Variants in GRIP1 observed in about 807,000 individuals in gnomAD.
GRIP1 encodes glutamate receptor interacting protein 1.
A neutral mutation model predicts 129.9 loss-of-function variants in GRIP1; 45 were observed. That is an observed-to-expected ratio of 0.35 (90% CI 0.27 to 0.44). The LOEUF (loss-of-function observed/expected upper bound fraction) is 0.44, where lower values mean the gene tolerates loss of function less well. GRIP1 is among the 20% of genes least tolerant of loss of function. The probability of loss-of-function intolerance (pLI) is 1.00; values close to 1 mark genes in which losing one functional copy is unlikely to be tolerated. For missense variants in GRIP1, 1,196 were observed against 1,396.8 expected (o/e 0.86, Z 2.29); for synonymous variants, 530 against 520.8 (o/e 1.02, Z -0.24).
chr12:66,566,056 G>A (rs566845729), intron 2 of GRIP1, among the ~76,000 whole-genome samples: 1 of 152,288 alleles, frequency 6.6e-6, no homozygotes, highest in African/African-American at 2.4e-5. Flanking sequence ...ATACAATCAT[G>A]TCATCTGCAA....
At chr12:66,788,239 C>CT (rs74709492) in intron 1 of GRIP1, among the ~76,000 whole-genome samples, 188 of 144,046 alleles carry the variant, frequency 1.3e-3, no homozygotes, top group Middle Eastern at 3.6e-3. Flanking sequence ...AAATAAAATA[C>CT]TTTTTTTTTT....
intron 2 of GRIP1, among the ~76,000 whole-genome samples, chr12:66,542,478 T>C (rs1251340166): frequency 6.6e-6 from 1 of 152,232 alleles, no homozygotes; most frequent in Non-Finnish European, 1.5e-5. Context: ...AAACAAAGTA[T>C]GATGGCTTAT....
At chr12:66,690,385 C>T (rs1307123980) in intron 1 of GRIP1, among the ~76,000 whole-genome samples, 1 of 151,592 alleles carries the variant, frequency 6.6e-6, no homozygotes, top group Non-Finnish European at 1.5e-5. Flanking sequence ...CACACACACA[C>T]ACACACACAC....
In GRIP1 at chr12:66,655,606, C is replaced by CTT. The variant is rs1173143521; in HGVS notation, c.55+23242_55+23243dup. Among the ~76,000 whole-genome samples, 240 of 118,016 alleles carry CTT rather than the reference C, an allele frequency of 2.0e-3. 1 individual carries two copies. Among genetic ancestry groups the CTT allele is most frequent in the African/African-American group, 3.5e-3 (110 of 31,170 alleles). 77.4% of individuals were successfully genotyped at this position (118,016 alleles called of 152,430 possible). ...AATATTTTTTTGCAGTTTTTTTGTACTTTTTTTTTTTTTTTTTTTTTGAGA... is the reference window on the plus strand; with the variant it reads ...AATATTTTTTTGCAGTTTTTTTGTACTTTTTTTTTTTTTTTTTTTTTTTGAGA... On this transcript the variant is annotated intron_variant, in intron 1 of 24. Coordinates refer to ENST00000359742, the MANE Select transcript of GRIP1 (RefSeq NM_001366722.1).
chr12:66,938,535 T>C (rs928974295), intron 1 of GRIP1, among the ~76,000 whole-genome samples: 2 of 152,128 alleles, frequency 1.3e-5, no homozygotes, highest in African/African-American at 4.8e-5. Context: ...GCAGCACTAA[T>C]CTAGAAGGGT....
rs145946214 is a variant in GRIP1, at chr12:66,500,610, C to A, written c.724+15009G>T. Among the ~76,000 whole-genome samples the A allele has an allele frequency of 6.5e-3, 982 of 152,248 alleles. 4 individuals carry two copies. Among genetic ancestry groups the A allele is most frequent in the Non-Finnish European group, 0.01 (695 of 68,024 alleles). ...TTCAGGGAAAAATTTCACAGTGAGT[C>A]TCTTGCATTTTACTTGTTCTTAAGT... is the stretch of plus-strand genomic sequence containing the variant. On this transcript the variant is annotated intron_variant, in intron 7 of 24. Coordinates refer to ENST00000359742, the MANE Select transcript of GRIP1 (RefSeq NM_001366722.1).
chr12:66,696,804 CAAAAAAAAAAAAA>C (rs35445606), intron 1 of GRIP1, among the ~76,000 whole-genome samples: 24 of 103,754 alleles, frequency 2.3e-4, no homozygotes, highest in Middle Eastern at 5.2e-3. Context: ...GACTCTGTCT[CAAAAAAAAAAAAA>C]AAAAAAAAAA....
intron 2 of GRIP1, among the ~76,000 whole-genome samples, chr12:66,582,125 C>G (rs1041148867): frequency 5.3e-5 from 8 of 152,004 alleles, no homozygotes; most frequent in Admixed American, 2.0e-4. Context: ...AAATGTAATC[C>G]AGCATATAAA....
chr12:66,717,383 TAA>T (rs11403679), intron 1 of GRIP1, among the ~76,000 whole-genome samples: 6 of 146,646 alleles, frequency 4.1e-5, no homozygotes, highest in East Asian at 2.0e-4. Context: ...TTGCTCACTG[TAA>T]AAAAAAAAAA....
chr12:66,953,713 T>G lies in GRIP1; in HGVS notation c.58+115337A>C, dbSNP rs193160342. 4.0e-4 allele frequency among the ~76,000 whole-genome samples: 61 copies of G among 152,034 alleles called. 1 individual carries two copies. Among genetic ancestry groups the G allele is most frequent in the African/African-American group, 1.3e-3 (54 of 41,458 alleles). On this transcript the variant is annotated intron_variant, in intron 1 of 1. Transcript: ENST00000643019. ...TCCTGTTCTCACCAGGGATGACAGA[T>G]TAAAGAGGCAGCACTATAAAAGATT... is the stretch of plus-strand genomic sequence containing the variant.
intron 7 of GRIP1, among the ~76,000 whole-genome samples, chr12:66,510,778 C>CCA (rs142827232): frequency 2.6e-5 from 4 of 151,804 alleles, no homozygotes; most frequent in Non-Finnish European, 1.5e-5. Context: ...CACACATACA[C>CCA]CACACACACA....
At chr12:66,535,724 C>T (rs898590433) in intron 4 of GRIP1, among the ~76,000 whole-genome samples, 9 of 152,192 alleles carry the variant, frequency 5.9e-5, no homozygotes, top group African/African-American at 2.2e-4. Flanking sequence ...AAAATGACTA[C>T]TAAATCTTTG....
chr12:66,365,142 A>G (rs1050965640), intron 23 of GRIP1, among the ~76,000 whole-genome samples: 3 of 151,838 alleles, frequency 2.0e-5, no homozygotes, highest in African/African-American at 7.3e-5. Flanking sequence ...AACTTTAATG[A>G]TTATGGTTTT....
intron 7 of GRIP1, among the ~76,000 whole-genome samples, chr12:66,510,594 C>CA (rs2060669265): frequency 6.6e-6 from 1 of 151,934 alleles, no homozygotes; most frequent in African/African-American, 2.4e-5. Context: ...TTCCTTATTT[C>CA]AAAAAAATTG....
At chr12:67,010,957 C>T (rs946938052) in intron 1 of GRIP1, among the ~76,000 whole-genome samples, 33 of 152,260 alleles carry the variant, frequency 2.2e-4, no homozygotes, top group Admixed American at 1.6e-3. Flanking sequence ...AGGCCTAGTA[C>T]CTTCCTCTCT....
At chr12:66,354,639 A>G (rs2054392932) in intron 23 of GRIP1, among the ~76,000 whole-genome samples, 1 of 152,224 alleles carries the variant, frequency 6.6e-6, no homozygotes, top group Non-Finnish European at 1.5e-5. Flanking sequence ...ATATATATAT[A>G]TTTGTTTTTA....
chr12:66,723,937 A>G (rs1413687625), intron 1 of GRIP1, among the ~76,000 whole-genome samples: 1 of 152,140 alleles, frequency 6.6e-6, no homozygotes, highest in Non-Finnish European at 1.5e-5. Flanking sequence ...ATGAGTTAGG[A>G]AATAATACCC....
chr12:66,469,077 A>T (rs2059366992), intron 7 of GRIP1, among the ~76,000 whole-genome samples: 1 of 152,216 alleles, frequency 6.6e-6, no homozygotes, highest in Non-Finnish European at 1.5e-5. Flanking sequence ...ATTTAAAGTC[A>T]TGGTTAAGGG....
At chr12:66,355,308 G>A (rs1339323859) in intron 23 of GRIP1, among the ~76,000 whole-genome samples, 1 of 151,880 alleles carries the variant, frequency 6.6e-6, no homozygotes, top group Non-Finnish European at 1.5e-5. Flanking sequence ...AGGATAGAGT[G>A]ATAAAAAAAG....
Sources: gnomAD v4.1 joint callset for allele counts (sites outside exome capture counted in the v4.1 genomes callset) on GRCh38, gnomAD v4.1.1 for gene constraint, MANE v1.5 for transcripts, NCBI Gene and HGNC (gene_info 2026-07-23, HGNC 2026-07-21) for gene names.